PRPF4: variants seen among roughly 807,000 people sequenced by gnomAD.
PRPF4 encodes pre-mRNA splicing tri-snRNP complex factor PRPF4.
PRPF4 carries 14 observed loss-of-function variants against 72.2 expected under a neutral mutation model. The ratio of observed to expected loss-of-function variants is 0.19; its 90% CI spans 0.13 to 0.30. PRPF4 has a LOEUF of 0.30. Ranked by LOEUF, PRPF4 falls within the 10% of genes least tolerant of loss-of-function variation. The pLI is 1.00. For synonymous variants in PRPF4, 225 were observed against 232.2 expected (o/e 0.97, Z 0.28); for missense variants, 478 against 653.9 (o/e 0.73, Z 2.93).
Position 113,290,800 on chromosome 9 carries a change from C to T in PRPF4, c.1246C>T (p.Pro416Ser), listed in dbSNP as rs760926581. The T allele has an allele frequency of 6.2e-7, 1 of 1,614,034 alleles. No homozygotes were observed. Among genetic ancestry groups the T allele is most frequent in the Non-Finnish European group, 8.5e-7 (1 of 1,180,018 alleles). Residue 416 changes from proline to serine, a missense_variant, in exon 12 of 14, where the codon CCC becomes TCC. Transcript: ENST00000374198. ...LKEIYGINFS[P>S]NGYHIATGSG... ...AGAAATCTATGGAATAAATTTCTCC[C>T]CCAATGGGTAAAATAAACACACTGA...
chr9:113,289,831 G>A (rs544331116), intron 10 of PRPF4, among the ~76,000 whole-genome samples: 2 of 152,148 alleles, frequency 1.3e-5, no homozygotes, highest in Non-Finnish European at 2.9e-5. Context: ...CCTAGTAAAT[G>A]TATAAATGCT....
At chr9:113,279,355 G>C (rs915637134) in intron 3 of PRPF4, among the ~76,000 whole-genome samples, 1 of 90,468 alleles carries the variant, frequency 1.1e-5, no homozygotes. Context: ...GTTTTGTTTT[G>C]TTTTGTTTTG....
In PRPF4 at chr9:113,286,812, C is replaced by T; in HGVS notation, c.916C>T (p.Leu306Phe). The change falls in exon 9 of 14, where the codon CTT becomes TTT. Residue 306 changes from leucine to phenylalanine, a missense_variant. Transcript: ENST00000374198. ...ASCAADGSVK[L>F]WSLDSDEPVA... ...TTGTGCGGCTGATGGCTCTGTGAAG[C>T]TTTGGAGTCTCGACAGGTGAATATC... 6.2e-7 allele frequency: 1 copy of T among 1,614,208 alleles called. No homozygotes were observed. The highest frequency in any genetic ancestry group is 1.3e-5 in the African/African-American group (1 of 75,052).
At position 113,291,590 on chromosome 9, in the gene PRPF4, T is replaced by C; in HGVS notation, c.1496T>C (p.Ile499Thr). 6.2e-7 allele frequency: 1 copy of C among 1,614,160 alleles called. No homozygotes were observed. Among genetic ancestry groups the C allele is most frequent in the Non-Finnish European group, 8.5e-7 (1 of 1,180,040 alleles). Residue 499 changes from isoleucine (I) to threonine (T), a missense_variant, in exon 14 of 14, where the codon ATT becomes ACT. Coordinates refer to ENST00000374198, the MANE Select transcript of PRPF4 (RefSeq NM_001244926.2). ...GHEGKVMGLD[I>T]SSDGQLIATC... Reference sequence around the variant, plus strand: ...GAAGGCAAAGTGATGGGCCTAGATATTTCTTCCGATGGGCAGCTCATAGCC... The same window carrying C: ...GAAGGCAAAGTGATGGGCCTAGATACTTCTTCCGATGGGCAGCTCATAGCC...
intron 7 of PRPF4, 128 bp from the exon 8 acceptor site, chr9:113,286,104 T>C (rs1832442940): frequency 3.7e-6 from 4 of 1,087,546 alleles, no homozygotes; most frequent in Non-Finnish European, 5.5e-6. Context: ...TATAAGGCTT[T>C]TATTTTTCTG....
In PRPF4 at chr9:113,275,760, C is replaced by T. The variant is rs1200954096; in HGVS notation, c.17C>T (p.Ala6Val). The T allele has an allele frequency of 2.5e-6, 4 of 1,612,658 alleles. No individual in the cohort carries two copies. Among genetic ancestry groups the T allele is most frequent in the Non-Finnish European group, 3.4e-6 (4 of 1,179,406 alleles). Residue 6 changes from alanine (A) to valine (V), a missense_variant, in exon 1 of 14, where the codon GCC becomes GTC. Ala to Val is a moderately conservative substitution (Grantham distance 64). Coordinates refer to ENST00000374198, the MANE Select transcript of PRPF4 (RefSeq NM_001244926.2). MASSR[A>V]SSTATKTKAP... ...GAGCCCAGCATGGCTTCCTCGCGAG[C>T]CTCTTCCACGGTACAGAGCCCGGGA... is the stretch of plus-strand genomic sequence containing the variant.
At chr9:113,281,392 C>G (rs1832279542) in intron 3 of PRPF4, among the ~76,000 whole-genome samples, 1 of 152,078 alleles carries the variant, frequency 6.6e-6, no homozygotes, top group African/African-American at 2.4e-5. Context: ...TAAATGAATC[C>G]TTTGAGTCAC....
rs2118610645 is a variant in PRPF4, at chr9:113,282,682, C to G, written c.429C>G (p.Ala143=). Residue 143 remains alanine (A), a synonymous_variant, in exon 4 of 14, where the codon GCC becomes GCG. Transcript: ENST00000374198. ...RNILSVVGTD[A]LKKTKKDDEK... ...TCCTCTCAGTTGTCGGTACTGATGCCTTGAAAAAGACCAAAAAGGATGATG... is the reference window on the plus strand; with the variant it reads ...TCCTCTCAGTTGTCGGTACTGATGCGTTGAAAAAGACCAAAAAGGATGATG... The G allele has an allele frequency of 6.2e-7, 1 of 1,609,364 alleles. No homozygotes were observed. Among genetic ancestry groups the G allele is most frequent in the African/African-American group, 1.4e-5 (1 of 74,054 alleles).
At position 113,288,638 on chromosome 9, in the gene PRPF4, T is replaced by C. The variant is rs926102755; in HGVS notation, c.1022+374T>C. Among the ~76,000 whole-genome samples the C allele has an allele frequency of 2.6e-5, 4 of 152,094 alleles. No individual in the cohort carries two copies. The South Asian group carries it at 8.3e-4, about 32-fold the overall frequency. On this transcript the variant is annotated intron_variant, in intron 10 of 13. Coordinates refer to ENST00000374198, the MANE Select transcript of PRPF4 (RefSeq NM_001244926.2). ...TTTTAGTAGAGACAGGGTTTCACCA[T>C]GTTGGCCAGGCTGGTCTTAAACTCC...
intron 7 of PRPF4, among the ~76,000 whole-genome samples, chr9:113,285,826 C>T (rs112196541): frequency 3.3e-5 from 5 of 152,144 alleles, no homozygotes; most frequent in African/African-American, 9.6e-5. Flanking sequence ...GATCACACTA[C>T]TGCACTCCAG....
At chr9:113,288,424 A>G (rs12351168) in intron 10 of PRPF4, among the ~76,000 whole-genome samples, 160 bp downstream of exon 10, 13,579 of 148,060 alleles carry the variant, frequency 0.092, 914 homozygotes, top group African/African-American at 0.18. Context: ...ATATAGTGAG[A>G]GCTAAGTATA....
intron 9 of PRPF4, 120 bp downstream of exon 9, chr9:113,286,948 A>G: frequency 3.6e-6 from 5 of 1,392,456 alleles, no homozygotes; most frequent in Non-Finnish European, 5.0e-6. Flanking sequence ...TCACACCTTA[A>G]GGCTGAGGCA....
At position 113,275,788 on chromosome 9, in the gene PRPF4, C is replaced by A; in HGVS notation, c.27+18C>A. On this transcript the variant is annotated intron_variant, in intron 1 of 13. Coordinates refer to ENST00000374198, the MANE Select transcript of PRPF4 (RefSeq NM_001244926.2). Reference sequence around the variant, plus strand: ...CTTCCACGGTACAGAGCCCGGGATCCCAGCTCACTCTGGCAGGGAGCGCTA... The same window carrying A: ...CTTCCACGGTACAGAGCCCGGGATCACAGCTCACTCTGGCAGGGAGCGCTA... The A allele has an allele frequency of 6.2e-7, 1 of 1,610,904 alleles. No homozygotes were observed. Among genetic ancestry groups the A allele is most frequent in the Non-Finnish European group, 8.5e-7 (1 of 1,178,334 alleles).
In PRPF4 at chr9:113,291,876, C is replaced by CT; in HGVS notation, c.*221dup. On this transcript the variant is annotated 3_prime_UTR_variant, in exon 14 of 14. Coordinates refer to ENST00000374198, the MANE Select transcript of PRPF4 (RefSeq NM_001244926.2). ...CCTCTCACGGTTGAAAATTTATTAC[C>CT]TTTTTACGCCCTGCCACGAACTGTG... 1 of 517,194 alleles carries CT rather than the reference C, an allele frequency of 1.9e-6. No homozygotes were observed. Among genetic ancestry groups the CT allele is most frequent in the Non-Finnish European group, 3.4e-6 (1 of 290,040 alleles). 32.0% of individuals were successfully genotyped at this position (517,194 alleles called of 1,614,324 possible). A position where few individuals can be genotyped will look rare whatever the true frequency, so the allele number is the denominator to read the frequency against.
chr9:113,285,741 T>C (rs1284335559), intron 7 of PRPF4, among the ~76,000 whole-genome samples: 1 of 151,898 alleles, frequency 6.6e-6, no homozygotes, highest in Non-Finnish European at 1.5e-5. Flanking sequence ...GGCATGCGCC[T>C]GTTAGTCCCA....
Position 113,291,895 on chromosome 9 carries a change from A to G in PRPF4, c.*235A>G, listed in dbSNP as rs1422235739. Reference sequence around the variant, plus strand: ...TATTACCTTTTTACGCCCTGCCACGAACTGTGTAGACATTGTTTTTATTAA... The same window carrying G: ...TATTACCTTTTTACGCCCTGCCACGGACTGTGTAGACATTGTTTTTATTAA... On this transcript the variant is annotated 3_prime_UTR_variant, in exon 14 of 14. Transcript: ENST00000374198. 1 of 467,346 alleles carries G rather than the reference A, an allele frequency of 2.1e-6. No individual in the cohort carries two copies. Among genetic ancestry groups the G allele is most frequent in the Non-Finnish European group, 3.9e-6 (1 of 258,286 alleles). 28.9% of individuals were successfully genotyped at this position (467,346 alleles called of 1,614,324 possible).
In PRPF4 at chr9:113,291,759, C is replaced by A; in HGVS notation, c.*99C>A. On this transcript the variant is annotated 3_prime_UTR_variant, in exon 14 of 14. Coordinates refer to ENST00000374198, the MANE Select transcript of PRPF4 (RefSeq NM_001244926.2). Reference sequence around the variant, plus strand: ...GTGTTTAGTTCTATCATGTTTTCTGCCAATTACCATGCATAGACCCTCAGT... The same window carrying A: ...GTGTTTAGTTCTATCATGTTTTCTGACAATTACCATGCATAGACCCTCAGT... 1 of 1,230,112 alleles carries A rather than the reference C, an allele frequency of 8.1e-7. No individual in the cohort carries two copies. Among genetic ancestry groups the A allele is most frequent in the Non-Finnish European group, 1.1e-6 (1 of 888,772 alleles). 76.2% of individuals were successfully genotyped at this position (1,230,112 alleles called of 1,614,324 possible).
chr9:113,280,847 T>C (rs968592680), intron 3 of PRPF4, among the ~76,000 whole-genome samples: 3 of 152,026 alleles, frequency 2.0e-5, no homozygotes, highest in Non-Finnish European at 4.4e-5. Flanking sequence ...TTTTCTTCCT[T>C]TTTTTTTCTT....
chr9:113,280,569 C>T lies in PRPF4; in HGVS notation c.392+1438C>T, dbSNP rs998532242. Among the ~76,000 whole-genome samples, 3 of 152,220 alleles carry T rather than the reference C, an allele frequency of 2.0e-5. No individual in the cohort carries two copies. The East Asian group carries it at 5.8e-4, about 29-fold the overall frequency. ...GATACAACTCCAGCTATCTTCTTTGCTCTATCTTTACTGCTTTCAAATCTG... is the reference window on the plus strand; with the variant it reads ...GATACAACTCCAGCTATCTTCTTTGTTCTATCTTTACTGCTTTCAAATCTG... On this transcript the variant is annotated intron_variant, in intron 3 of 13. Transcript: ENST00000374198.
Sources: gnomAD v4.1 joint callset for allele counts (sites outside exome capture counted in the v4.1 genomes callset) on GRCh38, gnomAD v4.1.1 for gene constraint, MANE v1.5 for transcripts, NCBI Gene and HGNC (gene_info 2026-07-23, HGNC 2026-07-21) for gene names.